The following TUBD1 variants were observed in gnomAD, a reference collection of about 807,000 sequenced individuals.
TUBD1 encodes the protein tubulin delta chain.
TUBD1 carries 38 observed loss-of-function variants against 51.2 expected under a neutral mutation model. The ratio of observed to expected loss-of-function variants is 0.74; its 90% CI spans 0.57 to 0.97. The LOEUF is 0.97. TUBD1 is among the 50% of genes least tolerant of loss of function. The pLI, the probability that TUBD1 is intolerant of heterozygous loss-of-function variation, is 0.00. For missense variants in TUBD1, 489 were observed against 538.4 expected, an observed-to-expected ratio of 0.91 and a Z score of 0.91; for synonymous variants, 169 against 178.2, an observed-to-expected ratio of 0.95 and a Z score of 0.41.
At chr17:59,873,066 T>C (rs2144493739) in intron 6 of TUBD1, among the ~76,000 whole-genome samples, 1 of 152,002 alleles carries the variant, frequency 6.6e-6, no homozygotes, top group Middle Eastern at 3.4e-3. Flanking sequence ...CCCAGGCCAA[T>C]TCTCAATTTT....
chr17:59,892,093 G>A (rs2041108595), intron 1 of TUBD1: 1 of 152,188 alleles, frequency 6.6e-6, no homozygotes, highest in Non-Finnish European at 1.5e-5. Flanking sequence ...GCTCAACATT[G>A]TACATTCAAT....
intron 4 of TUBD1, among the ~76,000 whole-genome samples, chr17:59,879,655 T>TA (rs2040393238): frequency 6.6e-6 from 1 of 151,738 alleles, no homozygotes; most frequent in Non-Finnish European, 1.5e-5. Flanking sequence ...AGGCTGGTCT[T>TA]AAACTCCTGG....
intron 2 of TUBD1, among the ~76,000 whole-genome samples, chr17:59,890,445 T>C (rs1445812192): frequency 1.3e-5 from 2 of 152,034 alleles, no homozygotes; most frequent in Non-Finnish European, 1.5e-5. Context: ...GGTTTCACCA[T>C]GTTGGTCAGG....
At chr17:59,862,441 T>C (rs1339881282) in intron 8 of TUBD1, among the ~76,000 whole-genome samples, 2 of 152,186 alleles carry the variant, frequency 1.3e-5, no homozygotes, top group African/African-American at 4.8e-5. Flanking sequence ...TAGTATGAAG[T>C]AGACATTTCT....
At chr17:59,889,444 A>T (rs2040885962) in intron 2 of TUBD1, among the ~76,000 whole-genome samples, 3 of 151,364 alleles carry the variant, frequency 2.0e-5, no homozygotes, top group South Asian at 4.2e-4. Context: ...AGGTGGGCAG[A>T]TCATTTGAGG....
At chr17:59,869,336 C>A (rs759826683) in intron 6 of TUBD1, among the ~76,000 whole-genome samples, 1 of 151,540 alleles carries the variant, frequency 6.6e-6, no homozygotes, top group Non-Finnish European at 1.5e-5. Flanking sequence ...ATTAGACGGG[C>A]ATGGTGGTGC....
chr17:59,886,053 A>ACC (rs780112967), intron 3 of TUBD1, 30 bp downstream of exon 3: 1 of 1,612,316 alleles, frequency 6.2e-7, no homozygotes, highest in South Asian at 1.1e-5. Flanking sequence ...AGCTGTCACT[A>ACC]AACTGAAAAT....
Position 59,880,752 on chromosome 17 carries a change from G to A in TUBD1, c.537+142C>T, listed in dbSNP as rs989298346. 10 of 715,366 alleles carry A rather than the reference G, an allele frequency of 1.4e-5. No homozygotes were observed. In the East Asian group the frequency reaches 1.5e-4, roughly 11 times the overall value. The allele number at this position is 715,366 out of a possible 1,614,324, so 44.3% of individuals were successfully genotyped here. On this transcript the variant is annotated intron_variant, in intron 4 of 8. Transcript: ENST00000325752. The stretch of plus-strand genomic sequence containing the variant: ...GATGGTCTCGATATCCTGACCTCAC[G>A]ATCCGCCCGCCTTGGCCTCCCAAAG...
intron 6 of TUBD1, among the ~76,000 whole-genome samples, 172 bp downstream of exon 6, chr17:59,874,367 C>T (rs1180210398): frequency 2.0e-5 from 3 of 151,872 alleles, no homozygotes; most frequent in Non-Finnish European, 4.4e-5. Flanking sequence ...GGTAATGAAA[C>T]TGTGAAGTGA....
chr17:59,865,865 C>T (rs949883016), intron 7 of TUBD1, among the ~76,000 whole-genome samples: 1 of 151,978 alleles, frequency 6.6e-6, no homozygotes, highest in Non-Finnish European at 1.5e-5. Flanking sequence ...AATCCCAACA[C>T]TTTGGGAGGC....
At chr17:59,872,633 T>A (rs530364303) in intron 6 of TUBD1, among the ~76,000 whole-genome samples, 67 of 147,836 alleles carry the variant, frequency 4.5e-4, no homozygotes, top group African/African-American at 1.7e-3. Flanking sequence ...GGTAATTGTG[T>A]TTGTATGTGT....
intron 6 of TUBD1, among the ~76,000 whole-genome samples, chr17:59,870,071 GA>G (rs1243376013): frequency 3.3e-5 from 5 of 151,838 alleles, no homozygotes; most frequent in Non-Finnish European, 7.4e-5. Context: ...TTTTCAAAGT[GA>G]AAAAAAGGCT....
At chr17:59,885,591 A>G in intron 3 of TUBD1, 1 of 1,039,870 alleles carries the variant, frequency 9.6e-7, no homozygotes, top group Non-Finnish European at 1.5e-6. Context: ...TCTAACTAGG[A>G]TTCCCTCATT....
rs551365699 is a variant in TUBD1 at position 59,875,313 on chromosome 17, G to C, written c.770-610C>G. On this transcript the variant is annotated intron_variant, in intron 5 of 8. Coordinates refer to ENST00000325752, the MANE Select transcript of TUBD1 (RefSeq NM_016261.4). Reference sequence around the variant, plus strand: ...GATGGTCTCGATCCCCTGATCTCATGATCTGCCTGCCTTGGCCTCCCAAAG... The same window carrying C: ...GATGGTCTCGATCCCCTGATCTCATCATCTGCCTGCCTTGGCCTCCCAAAG... 4.0e-5 allele frequency among the ~76,000 whole-genome samples: 6 copies of C among 151,504 alleles called. No homozygotes were observed. In the East Asian group the frequency reaches 1.2e-3, roughly 30 times the overall value.
chr17:59,892,686 A>G lies in TUBD1; in HGVS notation c.-40+11T>C, dbSNP rs1598600796. 6.4e-6 allele frequency: 1 copy of G among 157,234 alleles called. No individual in the cohort carries two copies. The highest frequency in any genetic ancestry group is 1.4e-5 in the Non-Finnish European group (1 of 70,534). 9.7% of individuals were successfully genotyped at this position (157,234 alleles called of 1,614,324 possible). On this transcript the variant is annotated intron_variant, in intron 1 of 8. Coordinates refer to ENST00000325752, the MANE Select transcript of TUBD1 (RefSeq NM_016261.4). ...GGGCCCCAGGAGTTCTCCACACGTA[A>G]CCCGACTCACCGCCAGACGCCGACC...
intron 3 of TUBD1, among the ~76,000 whole-genome samples, chr17:59,882,040 G>A (rs1486649466): frequency 6.6e-6 from 1 of 151,452 alleles, no homozygotes; most frequent in African/African-American, 2.4e-5. Context: ...TTGAATACTA[G>A]AGTGTATTTC....
chr17:59,868,523 C>G (rs1026184855), intron 6 of TUBD1, among the ~76,000 whole-genome samples: 1 of 151,584 alleles, frequency 6.6e-6, no homozygotes, highest in Admixed American at 6.6e-5. Context: ...TAGTCAGACC[C>G]CATCTCTACA....
At chr17:59,866,110 CAAAAAAAA>C (rs1191579900) in intron 7 of TUBD1, among the ~76,000 whole-genome samples, 21 of 76,212 alleles carry the variant, frequency 2.8e-4, no homozygotes, top group South Asian at 6.1e-4. Context: ...GACCCCGTCT[CAAAAAAAA>C]AAAAAAAAAA....
At chr17:59,882,087 T>A (rs1479966275) in intron 3 of TUBD1, among the ~76,000 whole-genome samples, 1 of 152,084 alleles carries the variant, frequency 6.6e-6, no homozygotes, top group Admixed American at 6.6e-5. Flanking sequence ...GCAACTTCTT[T>A]TTTTTTTTTA....
Sources: allele counts gnomAD v4.1 joint callset (sites outside exome capture counted in the v4.1 genomes callset), GRCh38; gene constraint gnomAD v4.1.1; transcripts MANE v1.5; gene names NCBI Gene and HGNC (gene_info 2026-07-23, HGNC 2026-07-21).